Variants in SORBS2 observed in about 807,000 individuals in gnomAD.
SORBS2 encodes sorbin and SH3 domain containing 2.
SORBS2 carries 46 observed loss-of-function variants against 97.7 expected under a neutral mutation model. The observed-to-expected ratio is 0.47, with a 90% confidence interval of 0.37 to 0.60. The LOEUF is 0.60. Ranked by LOEUF, SORBS2 falls within the 20% of genes least tolerant of loss-of-function variation. The pLI is 0.00. For synonymous variants in SORBS2, 476 were observed against 473.4 expected (o/e 1.01, Z -0.07); for missense variants, 1,316 against 1,282.3 (o/e 1.03, Z -0.40).
chr4:185,826,716 C>T (rs1171590096), intron 1 of SORBS2, among the ~76,000 whole-genome samples: 1 of 152,112 alleles, frequency 6.6e-6, no homozygotes, highest in Non-Finnish European at 1.5e-5. Context: ...AAATGTTTTT[C>T]CTGACTTCTG....
At chr4:185,618,530 A>G (rs1208139146) in intron 9 of SORBS2, 55 bp downstream of exon 21, 3 of 993,436 alleles carry the variant, frequency 3.0e-6, no homozygotes, top group African/African-American at 1.6e-5. Flanking sequence ...CTCTTAAAGC[A>G]TTACTAACAT....
At chr4:185,929,933 C>T (rs76987263) in intron 1 of SORBS2, among the ~76,000 whole-genome samples, 1 of 152,142 alleles carries the variant, frequency 6.6e-6, no homozygotes, top group African/African-American at 2.4e-5. Flanking sequence ...CAGTTTATTT[C>T]ACTCTCAAGC....
At chr4:185,803,188 A>T (rs2099138568) in intron 1 of SORBS2, among the ~76,000 whole-genome samples, 1 of 152,182 alleles carries the variant, frequency 6.6e-6, no homozygotes, top group Non-Finnish European at 1.5e-5. Flanking sequence ...GGCTAAAGGC[A>T]GAATGCAATA....
At chr4:185,920,834 T>G (rs2099260596) in intron 1 of SORBS2, among the ~76,000 whole-genome samples, 1 of 152,226 alleles carries the variant, frequency 6.6e-6, no homozygotes, top group South Asian at 2.1e-4. Flanking sequence ...ATTCTCTCTT[T>G]CAGTGATAAG....
At chr4:185,597,593 ACTACTTGGC>A (rs1385949227) in intron 12 of SORBS2, among the ~76,000 whole-genome samples, 11 of 152,238 alleles carry the variant, frequency 7.2e-5, no homozygotes, top group African/African-American at 2.7e-4. Flanking sequence ...ACTATGATGG[ACTACTTGGC>A]CTACCTTGGC....
At chr4:185,691,938 A>G (rs370813675) in intron 2 of SORBS2, among the ~76,000 whole-genome samples, 48 of 152,302 alleles carry the variant, frequency 3.2e-4, no homozygotes, top group East Asian at 1.9e-3. Flanking sequence ...TAGTAGAGAC[A>G]GGGTTTCACC....
chr4:185,772,012 A>G (rs1182890219), intron 2 of SORBS2: 1 of 152,198 alleles, frequency 6.6e-6, no homozygotes, highest in African/African-American at 2.4e-5. Flanking sequence ...TAATGAGAAA[A>G]ATAATACAAA....
chr4:185,650,197 A>G (rs2097289242), intron 2 of SORBS2, among the ~76,000 whole-genome samples: 1 of 152,226 alleles, frequency 6.6e-6, no homozygotes, highest in Non-Finnish European at 1.5e-5. Context: ...ACCTGGGAAA[A>G]TCAGACACAA....
At chr4:185,906,901 G>A (rs567770243) in intron 1 of SORBS2, among the ~76,000 whole-genome samples, 70 of 152,238 alleles carry the variant, frequency 4.6e-4, no homozygotes, top group East Asian at 1.7e-3. Context: ...CAAGGCAGGC[G>A]GATCACCTGA....
chr4:185,707,567 C>G (rs13132598), intron 2 of SORBS2, among the ~76,000 whole-genome samples: 35,906 of 151,580 alleles, frequency 0.24, 4,653 homozygotes, highest in Non-Finnish European at 0.29. Context: ...AATAGGACAG[C>G]TGCTGCTTTT....
intron 2 of SORBS2, among the ~76,000 whole-genome samples, chr4:185,727,706 C>G (rs2153567330): frequency 6.6e-6 from 1 of 152,198 alleles, no homozygotes; most frequent in East Asian, 1.9e-4. Flanking sequence ...CAAAAATGTC[C>G]CATGATTAGG....
At chr4:185,733,933 C>A (rs149549406) in intron 2 of SORBS2, 166 bp downstream of exon 3, 2 of 152,218 alleles carry the variant, frequency 1.3e-5, no homozygotes, top group Non-Finnish European at 2.9e-5. Context: ...CGTACGTGAA[C>A]GTCAAGGAGA....
At chr4:185,730,730 GC>G in intron 2 of SORBS2, among the ~76,000 whole-genome samples, 1 of 152,370 alleles carries the variant, frequency 6.6e-6, no homozygotes, top group East Asian at 1.9e-4. Context: ...GAACAGGTCA[GC>G]CCCTAGAGTC....
At chr4:185,685,679 A>G (rs1345229786) in intron 2 of SORBS2, among the ~76,000 whole-genome samples, 1 of 152,084 alleles carries the variant, frequency 6.6e-6, no homozygotes, top group African/African-American at 2.4e-5. Context: ...CCACAGGCAC[A>G]CACCGGCTAA....
intron 1 of SORBS2, among the ~76,000 whole-genome samples, chr4:185,877,657 A>G (rs892163719): frequency 2.0e-5 from 3 of 152,090 alleles, no homozygotes; most frequent in Admixed American, 6.6e-5. Flanking sequence ...ACCTGAGGTC[A>G]GGAGTTTGAG....
At chr4:185,950,196 G>C (rs766525547) in intron 1 of SORBS2, among the ~76,000 whole-genome samples, 1 of 151,222 alleles carries the variant, frequency 6.6e-6, no homozygotes, top group Non-Finnish European at 1.5e-5. Context: ...AGGTTGCAGC[G>C]AGCCGAGATT....
intron 12 of SORBS2, among the ~76,000 whole-genome samples, chr4:185,604,745 T>TG (rs2096365447): frequency 6.6e-6 from 1 of 152,148 alleles, no homozygotes; most frequent in Non-Finnish European, 1.5e-5. Flanking sequence ...ATTTTTCGCA[T>TG]GGGGGTGGCT....
intron 2 of SORBS2, among the ~76,000 whole-genome samples, chr4:185,707,207 T>C (rs1010645642): frequency 3.9e-5 from 6 of 152,214 alleles, no homozygotes; most frequent in African/African-American, 1.4e-4. Flanking sequence ...ATTGTTATCT[T>C]ATTTTACTGC....
At chr4:185,698,274 G>A (rs2098207328) in intron 2 of SORBS2, among the ~76,000 whole-genome samples, 1 of 152,148 alleles carries the variant, frequency 6.6e-6, no homozygotes, top group African/African-American at 2.4e-5. Flanking sequence ...TCAGGAGTTC[G>A]AGACCAGCCT....
Sources: allele counts gnomAD v4.1 joint callset (sites outside exome capture counted in the v4.1 genomes callset), GRCh38; gene constraint gnomAD v4.1.1; transcripts MANE v1.5; gene names NCBI Gene and HGNC (gene_info 2026-07-23, HGNC 2026-07-21).